Variants in CAPSL observed in about 807,000 individuals in gnomAD.
The protein encoded by CAPSL is calcyphosine like.
Under a neutral mutation model 21.3 loss-of-function variants are expected in CAPSL, and 17 were observed. The observed-to-expected ratio is 0.80, with a 90% CI of 0.55 to 1.20. The LOEUF (loss-of-function observed/expected upper bound fraction) is 1.20. CAPSL is among the 50% of genes most tolerant of loss of function. The probability of loss-of-function intolerance (pLI) is 0.00; values close to 1 mark genes in which losing one functional copy is unlikely to be tolerated. For missense variants in CAPSL, 289 were observed against 259.3 expected (o/e 1.11, Z -0.79); for synonymous variants, 102 against 89.3 (o/e 1.14, Z -0.80).
intron 1 of CAPSL, among the ~76,000 whole-genome samples, chr5:35,937,642 T>C (rs755714362): frequency 6.6e-6 from 1 of 152,208 alleles, no homozygotes; most frequent in Non-Finnish European, 1.5e-5. Context: ...ATCCTTTGCA[T>C]TTACTATCAC....
intron 1 of CAPSL, among the ~76,000 whole-genome samples, chr5:35,930,206 CTGTAT>C (rs1738785978): frequency 6.6e-6 from 1 of 152,120 alleles, no homozygotes; most frequent in South Asian, 2.1e-4. Context: ...CACATTTTCT[CTGTAT>C]CAGAATACAT....
At chr5:35,908,204 G>A (rs1024046964) in intron 4 of CAPSL, among the ~76,000 whole-genome samples, 1 of 152,164 alleles carries the variant, frequency 6.6e-6, no homozygotes, top group Admixed American at 6.5e-5. Context: ...ACATTAAAAT[G>A]TAAAGCCTTG....
chr5:35,935,566 C>G (rs1738924701), intron 1 of CAPSL, among the ~76,000 whole-genome samples: 1 of 152,106 alleles, frequency 6.6e-6, no homozygotes, highest in South Asian at 2.1e-4. Context: ...AACTCCTAAG[C>G]TCAAGCAATC....
intron 1 of CAPSL, among the ~76,000 whole-genome samples, chr5:35,921,452 C>T (rs924658450): frequency 6.6e-6 from 1 of 152,188 alleles, no homozygotes; most frequent in African/African-American, 2.4e-5. Flanking sequence ...ACATTATATA[C>T]CATATTATTT....
chr5:35,936,830 T>C (rs901962804), intron 1 of CAPSL, among the ~76,000 whole-genome samples: 1 of 152,226 alleles, frequency 6.6e-6, no homozygotes, highest in Non-Finnish European at 1.5e-5. Context: ...CAAATCTTTA[T>C]TCCAATGTAG....
chr5:35,910,449 CT>C lies in CAPSL; in HGVS notation c.231del (p.Glu78LysfsTer18), dbSNP rs756689125. ...GLNDYAVVMEKEEVEELFRRF... is the reference protein window; with the variant it reads ...GLNDYAVVMEXEEVEELFRRF... The stretch of plus-strand genomic sequence containing the variant: ...CTCCGGAAAAGTTCTTCCACCTCTT[CT>C]TTTTCCATGACCACAGCATAATCAT... On this transcript the variant is annotated frameshift_variant, in exon 3 of 5. Coordinates refer to ENST00000651391, the MANE Select transcript of CAPSL (RefSeq NM_001042625.2). LOFTEE classifies it high-confidence loss of function. 2.5e-6 allele frequency: 4 copies of C among 1,613,532 alleles called. No individual in the cohort carries two copies. Among genetic ancestry groups the C allele is most frequent in the South Asian group, 2.2e-5 (2 of 91,054 alleles).
rs578038305 is a variant in CAPSL at position 35,906,534 on chromosome 5, G to A, written c.526-1888C>T. Among the ~76,000 whole-genome samples, 62 of 152,166 alleles carry A rather than the reference G, an allele frequency of 4.1e-4. No homozygotes were observed. The East Asian group carries it at 0.01, about 25-fold the overall frequency. ...ACTCAGATGTGCTGGCTGAAGTTAG[G>A]CAACCATCTTGAGATCATGAAGGAA... On this transcript the variant is annotated intron_variant, in intron 4 of 4. Coordinates refer to ENST00000651391, the MANE Select transcript of CAPSL (RefSeq NM_001042625.2).
chr5:35,926,423 C>G (rs1282419278), intron 1 of CAPSL, among the ~76,000 whole-genome samples: 3 of 152,146 alleles, frequency 2.0e-5, no homozygotes, highest in Non-Finnish European at 4.4e-5. Flanking sequence ...AAGGCTGTCT[C>G]ATTCCACTGT....
At position 35,921,079 on chromosome 5, in the gene CAPSL, C is replaced by G; in HGVS notation, c.42G>C (p.Gln14His). ...TARHDREMAIQAKKKLTTATD... is the reference protein window; with the variant it reads ...TARHDREMAIHAKKKLTTATD... ...TGGCCGTGGTGAGCTTTTTCTTGGC[C>G]TGGATCGCCATCTCTCGGTCATGGC... is the stretch of plus-strand genomic sequence containing the variant. The change falls in exon 2 of 5, where the codon CAG (glutamine) becomes CAC (histidine). Residue 14 changes from glutamine (Q) to histidine (H), a missense_variant. By Grantham distance (24) the Gln-to-His change is conservative (BLOSUM62 0). Transcript: ENST00000651391. 1 of 1,614,092 alleles carries G rather than the reference C, an allele frequency of 6.2e-7. No homozygotes were observed. The highest frequency in any genetic ancestry group is 1.1e-5 in the South Asian group (1 of 91,066).
intron 2 of CAPSL, among the ~76,000 whole-genome samples, chr5:35,919,830 G>A (rs1026968223): frequency 6.6e-6 from 1 of 152,196 alleles, no homozygotes; most frequent in African/African-American, 2.4e-5. Context: ...CTGGTTCCCA[G>A]TGGAAAGGCT....
chr5:35,933,239 CTG>C (rs567385539), intron 1 of CAPSL, among the ~76,000 whole-genome samples: 194 of 152,220 alleles, frequency 1.3e-3, no homozygotes, highest in Middle Eastern at 3.4e-3. Context: ...AAAGGGTGGC[CTG>C]TGTTTTGCAA....
intron 2 of CAPSL, among the ~76,000 whole-genome samples, chr5:35,912,486 C>T (rs1561436900): frequency 6.6e-6 from 1 of 152,160 alleles, no homozygotes; most frequent in African/African-American, 2.4e-5. Context: ...ACACCTCACA[C>T]GGCCAGGTAC....
chr5:35,910,145 A>G (rs1415951534), intron 3 of CAPSL, 70 bp from the exon 4 acceptor site: 3 of 1,285,514 alleles, frequency 2.3e-6, no homozygotes, highest in Non-Finnish European at 2.2e-6. Context: ...CCTATGTGAT[A>G]AAATATCTCA....
At chr5:35,909,471 C>T (rs1295832355) in intron 4 of CAPSL, among the ~76,000 whole-genome samples, 5 of 152,162 alleles carry the variant, frequency 3.3e-5, no homozygotes, top group African/African-American at 1.2e-4. Context: ...AAATTATGAT[C>T]TCATTTCAAA....
At position 35,910,607 on chromosome 5, in the gene CAPSL, TA is replaced by T. The variant is rs898000622; in HGVS notation, c.138-65del. The T allele has an allele frequency of 5.6e-4, 694 of 1,231,368 alleles. 1 individual carries two copies. The highest frequency in any genetic ancestry group is 9.5e-4 in the South Asian group (62 of 65,248). 76.3% of individuals were successfully genotyped at this position (1,231,368 alleles called of 1,614,324 possible). A position where few individuals can be genotyped will look rare whatever the true frequency, so the allele number is the denominator to read the frequency against. On this transcript the variant is annotated intron_variant, in intron 2 of 4. Coordinates refer to ENST00000651391, the MANE Select transcript of CAPSL (RefSeq NM_001042625.2). ...AAATAACAGGTGTAAGTGTAAAGAT[TA>T]AAAAAAAATCCACACTCAAGGTTTC...
intron 4 of CAPSL, among the ~76,000 whole-genome samples, chr5:35,906,717 A>G (rs1411594641): frequency 1.3e-5 from 2 of 152,234 alleles, no homozygotes; most frequent in East Asian, 3.8e-4. Flanking sequence ...CTGAAACACC[A>G]ATACATGATT....
chr5:35,920,751 C>G (rs1000220533), intron 2 of CAPSL, among the ~76,000 whole-genome samples: 1 of 152,170 alleles, frequency 6.6e-6, no homozygotes, highest in Non-Finnish European at 1.5e-5. Flanking sequence ...CATATTTTCC[C>G]AGAGCTGCAC....
intron 2 of CAPSL, among the ~76,000 whole-genome samples, chr5:35,914,355 G>A (rs140893418): frequency 0.011 from 1,746 of 152,072 alleles, 35 homozygotes; most frequent in African/African-American, 0.04. Context: ...TGCACCAAGC[G>A]GACCTAATAG....
At chr5:35,908,170 G>T (rs576548031) in intron 4 of CAPSL, among the ~76,000 whole-genome samples, 2 of 152,280 alleles carry the variant, frequency 1.3e-5, no homozygotes, top group South Asian at 4.1e-4. Context: ...ACAAATACAC[G>T]TGAGTGTAAG....
Sources: gnomAD v4.1 joint callset for allele counts (sites outside exome capture counted in the v4.1 genomes callset) on GRCh38, gnomAD v4.1.1 for gene constraint, MANE v1.5 for transcripts, NCBI Gene and HGNC (gene_info 2026-07-23, HGNC 2026-07-21) for gene names.